SGCD: variants seen among roughly 807,000 people sequenced by gnomAD.
SGCD encodes the protein sarcoglycan delta, also known as delta-sarcoglycan.
Under a neutral mutation model 36.6 loss-of-function variants are expected in SGCD, and 18 were observed. That is an observed-to-expected ratio of 0.49 (90% confidence interval 0.34 to 0.73). The LOEUF (loss-of-function observed/expected upper bound fraction) is 0.73. SGCD is among the 30% of genes least tolerant of loss of function. The pLI is 0.01. For missense variants in SGCD, 387 were observed against 346.7 expected, an observed-to-expected ratio of 1.12 and a Z score of -0.92; for synonymous variants, 133 against 130.6, an observed-to-expected ratio of 1.02 and a Z score of -0.12.
At chr5:156,609,594 C>G (rs559210601) in intron 6 of SGCD, among the ~76,000 whole-genome samples, 9 of 152,300 alleles carry the variant, frequency 5.9e-5, no homozygotes, top group Non-Finnish European at 1.3e-4. Context: ...GTTGGCCTGC[C>G]TTGCTAGATT....
rs375585301 is a variant in SGCD at position 155,988,330 on chromosome 5, G to A, written c.-282+117906G>A. ...CTTTCCTTTCGTTAGAAAAAAATACGTTTTCCAAGACTCCCCCCCGACCCC... is the reference window on the plus strand; with the variant it reads ...CTTTCCTTTCGTTAGAAAAAAATACATTTTCCAAGACTCCCCCCCGACCCC... On this transcript the variant is annotated intron_variant, in intron 1 of 9. Coordinates refer to the SGCD transcript ENST00000517913. Among the ~76,000 whole-genome samples, 59 of 152,108 alleles carry A rather than the reference G, an allele frequency of 3.9e-4. 1 individual carries two copies. Among genetic ancestry groups the A allele is most frequent in the East Asian group, 3.7e-3 (19 of 5,168 alleles).
At chr5:155,887,377 A>G (rs761965610) in intron 1 of SGCD, among the ~76,000 whole-genome samples, 4 of 152,264 alleles carry the variant, frequency 2.6e-5, no homozygotes, top group South Asian at 2.1e-4. Flanking sequence ...CAACTTTATT[A>G]CTACACTACT....
chr5:156,259,794 C>CT (rs1765808820), intron 3 of SGCD, among the ~76,000 whole-genome samples: 1 of 151,856 alleles, frequency 6.6e-6, no homozygotes, highest in South Asian at 2.1e-4. Flanking sequence ...TGACTCATGG[C>CT]TTTATAAGAA....
At chr5:155,927,604 A>G (rs1467199036) in intron 1 of SGCD, among the ~76,000 whole-genome samples, 1 of 152,202 alleles carries the variant, frequency 6.6e-6, no homozygotes, top group African/African-American at 2.4e-5. Flanking sequence ...AGGGCACACT[A>G]GGGTGAATAT....
intron 6 of SGCD, among the ~76,000 whole-genome samples, chr5:156,615,121 G>C (rs1761972784): frequency 6.6e-6 from 1 of 152,302 alleles, no homozygotes; most frequent in South Asian, 2.1e-4. Flanking sequence ...GATTAGACAG[G>C]AATGGCCTTT....
chr5:156,224,994 T>C (rs1350022888), intron 3 of SGCD, among the ~76,000 whole-genome samples: 2 of 152,144 alleles, frequency 1.3e-5, no homozygotes, highest in Non-Finnish European at 2.9e-5. Flanking sequence ...AGGTTGGCTA[T>C]TTTGCTTATT....
intron 3 of SGCD, among the ~76,000 whole-genome samples, chr5:156,195,695 A>G (rs776786780): frequency 6.6e-6 from 1 of 152,092 alleles, no homozygotes; most frequent in Non-Finnish European, 1.5e-5. Context: ...ACCTTGCTTT[A>G]TGATGCTGTG....
chr5:156,499,647 A>T (rs1010010530), intron 3 of SGCD, among the ~76,000 whole-genome samples: 2 of 152,156 alleles, frequency 1.3e-5, no homozygotes, highest in Admixed American at 6.5e-5. Flanking sequence ...AAGATTCAAA[A>T]AGGGGAGGGG....
chr5:156,498,311 G>A (rs1198991712), intron 3 of SGCD, among the ~76,000 whole-genome samples: 3 of 149,298 alleles, frequency 2.0e-5, no homozygotes, highest in Non-Finnish European at 4.4e-5. Flanking sequence ...TATGCTGTAA[G>A]ATTGACTCAT....
chr5:155,756,814 C>G, the SGCD span, among the ~76,000 whole-genome samples: 2 of 152,184 alleles, frequency 1.3e-5, no homozygotes, highest in Admixed American at 6.5e-5. Flanking sequence ...AATAGTGAGT[C>G]TGAAAGCTCA....
chr5:156,610,426 G>A (rs1434588813), intron 6 of SGCD, among the ~76,000 whole-genome samples: 5 of 152,124 alleles, frequency 3.3e-5, no homozygotes, highest in African/African-American at 4.8e-5. Context: ...AGGAGTACCC[G>A]GCTGTGTGAG....
chr5:155,752,466 G>T, the SGCD span, among the ~76,000 whole-genome samples: 2 of 152,024 alleles, frequency 1.3e-5, no homozygotes, highest in Admixed American at 6.6e-5. Context: ...TCCTTACTCA[G>T]GCCAATCTTT....
chr5:155,978,789 C>A (rs1386726244), intron 1 of SGCD, among the ~76,000 whole-genome samples: 2 of 150,686 alleles, frequency 1.3e-5, no homozygotes, highest in Non-Finnish European at 2.9e-5. Flanking sequence ...CCATTTCTTC[C>A]AAAAGAATGC....
At chr5:156,588,988 TTGTGTGTGTG>T (rs113243314) in intron 4 of SGCD, among the ~76,000 whole-genome samples, 1 of 143,060 alleles carries the variant, frequency 7.0e-6, no homozygotes, top group Non-Finnish European at 1.5e-5. Flanking sequence ...GGAATCTATA[TTGTGTGTGTG>T]TGTGTGTGTG....
At chr5:156,119,723 T>C (rs1000878878) in intron 2 of SGCD, among the ~76,000 whole-genome samples, 5 of 152,164 alleles carry the variant, frequency 3.3e-5, no homozygotes, top group African/African-American at 1.2e-4. Context: ...GGTTTTGCCT[T>C]CTCGGGATGC....
At chr5:155,988,179 C>T (rs2127563896) in intron 1 of SGCD, among the ~76,000 whole-genome samples, 1 of 152,252 alleles carries the variant, frequency 6.6e-6, no homozygotes, top group Admixed American at 6.5e-5. Flanking sequence ...AACATCTCTG[C>T]AGTTCCTTTT....
At chr5:156,534,962 G>A (rs1489328785) in intron 4 of SGCD, among the ~76,000 whole-genome samples, 1 of 152,128 alleles carries the variant, frequency 6.6e-6, no homozygotes, top group Non-Finnish European at 1.5e-5. Context: ...ATATAAATAA[G>A]ATTCCTTATA....
chr5:155,874,713 C>G (rs1755730227), intron 1 of SGCD, among the ~76,000 whole-genome samples: 1 of 151,894 alleles, frequency 6.6e-6, no homozygotes, highest in African/African-American at 2.4e-5. Context: ...AAGGAGATAC[C>G]AACACATACC....
In SGCD at chr5:156,344,544, C is replaced by T. The variant is rs745397161; in HGVS notation, c.59C>T (p.Pro20Leu). ...HRSTMPGSVG[P>L]QVYKVGIYGW... ...AGCACCATGCCTGGCTCTGTGGGGC[C>T]ACAGGTATACAAGGTGGGGATTTAT... Residue 20 changes from proline (P) to leucine (L), a missense_variant, in exon 3 of 9, where the codon CCA becomes CTA. Transcript: ENST00000337851. 6.2e-7 allele frequency: 1 copy of T among 1,610,986 alleles called. No homozygotes were observed. The highest frequency in any genetic ancestry group is 8.5e-7 in the Non-Finnish European group (1 of 1,178,544).
Sources: allele counts gnomAD v4.1 joint callset (sites outside exome capture counted in the v4.1 genomes callset), GRCh38; gene constraint gnomAD v4.1.1; transcripts MANE v1.5; gene names NCBI Gene and HGNC (gene_info 2026-07-23, HGNC 2026-07-21).